The following CEP63 variants were observed in gnomAD, a reference collection of about 807,000 sequenced individuals.
CEP63 encodes the protein centrosomal protein 63, also known as centrosomal protein of 63 kDa.
In CEP63, 84 loss-of-function variants were observed where a neutral mutation model predicts 89.1. The observed-to-expected ratio is 0.94, with a 90% CI of 0.79 to 1.13. The LOEUF is 1.13. Ranked by LOEUF, CEP63 falls within the 50% of genes most tolerant of loss-of-function variation. The pLI is 0.00. For synonymous variants in CEP63, 267 were observed against 272.5 expected, an observed-to-expected ratio of 0.98 and a Z score of 0.20; for missense variants, 838 against 813.3, an observed-to-expected ratio of 1.03 and a Z score of -0.37.
the CEP63 span, among the ~76,000 whole-genome samples, chr3:134,698,479 C>T: frequency 1.3e-5 from 2 of 152,344 alleles, no homozygotes; most frequent in South Asian, 4.1e-4. Context: ...CCATCCTCCA[C>T]CTCCAGGGCC....
the CEP63 span, chr3:134,627,865 G>A: frequency 6.7e-7 from 1 of 1,483,122 alleles, no homozygotes; most frequent in African/African-American, 1.4e-5. Context: ...AGAAGAAACA[G>A]AAATGCAAGC....
At chr3:134,540,395 A>G (rs1201262535) in intron 6 of CEP63, among the ~76,000 whole-genome samples, 1 of 152,184 alleles carries the variant, frequency 6.6e-6, no homozygotes, top group Non-Finnish European at 1.5e-5. Flanking sequence ...ACATCCTTAT[A>G]TAAACATTTA....
downstream of CEP63, among the ~76,000 whole-genome samples, chr3:134,588,892 T>G (rs7645295): frequency 0.64 from 97,941 of 151,998 alleles, 32,113 homozygotes; most frequent in East Asian, 0.81. Context: ...AGCAAACAAG[T>G]GCAGATCTTA....
chr3:134,585,221 T>G (rs1481685787), intron 10 of CEP63, among the ~76,000 whole-genome samples: 1 of 152,088 alleles, frequency 6.6e-6, no homozygotes, highest in Non-Finnish European at 1.5e-5. Context: ...ATTTCTTGCC[T>G]TCTGCTAGCT....
the CEP63 span, among the ~76,000 whole-genome samples, chr3:134,599,846 A>G: frequency 1.3e-5 from 2 of 152,228 alleles, no homozygotes; most frequent in African/African-American, 4.8e-5. Context: ...TCCTTTGAAC[A>G]TGAAAGCATT....
chr3:134,743,652 G>T, the CEP63 span, among the ~76,000 whole-genome samples: 1 of 152,112 alleles, frequency 6.6e-6, no homozygotes. Flanking sequence ...GCAGCAGTTT[G>T]CAGCAGGATT....
chr3:134,559,960 G>A (rs1957048422), intron 14 of CEP63, among the ~76,000 whole-genome samples: 1 of 152,188 alleles, frequency 6.6e-6, no homozygotes, highest in South Asian at 2.1e-4. Flanking sequence ...CCATCTTTTT[G>A]CCTTCTGCAC....
At chr3:134,490,314 T>A (rs1437082415) in intron 1 of CEP63, among the ~76,000 whole-genome samples, 2 of 152,216 alleles carry the variant, frequency 1.3e-5, no homozygotes, top group East Asian at 3.8e-4. Flanking sequence ...TGAGTCTTGG[T>A]GCCTAGTGCC....
chr3:134,717,613 G>A, the CEP63 span, among the ~76,000 whole-genome samples: 3 of 152,144 alleles, frequency 2.0e-5, no homozygotes, highest in Non-Finnish European at 4.4e-5. Context: ...TGTACATTTA[G>A]GCCACAAGGC....
the CEP63 span, among the ~76,000 whole-genome samples, chr3:134,621,829 A>C: frequency 6.6e-6 from 1 of 152,334 alleles, no homozygotes; most frequent in Non-Finnish European, 1.5e-5. Flanking sequence ...AATAAGGGTT[A>C]AATATCCAGA....
chr3:134,497,496 C>T (rs187726466), intron 2 of CEP63, among the ~76,000 whole-genome samples: 3 of 151,988 alleles, frequency 2.0e-5, no homozygotes, highest in African/African-American at 7.2e-5. Flanking sequence ...TTCAGTGTCC[C>T]AAGTATCTGG....
chr3:134,762,975 G>A, the CEP63 span, among the ~76,000 whole-genome samples: 1 of 152,144 alleles, frequency 6.6e-6, no homozygotes, highest in African/African-American at 2.4e-5. Context: ...TCAACTTCTA[G>A]GGCCTGCGAT....
chr3:134,733,265 A>G, the CEP63 span, among the ~76,000 whole-genome samples: 2 of 152,140 alleles, frequency 1.3e-5, no homozygotes, highest in Non-Finnish European at 2.9e-5. Context: ...TGAACAATCC[A>G]TGCAGAATTG....
chr3:134,578,846 A>G (rs1025929370), downstream of CEP63, among the ~76,000 whole-genome samples: 2 of 152,162 alleles, frequency 1.3e-5, no homozygotes, highest in Non-Finnish European at 2.9e-5. Context: ...AAATTTTCTC[A>G]CATTCTGCAG....
At chr3:134,641,506 C>T in the CEP63 span, among the ~76,000 whole-genome samples, 2 of 152,098 alleles carry the variant, frequency 1.3e-5, no homozygotes, top group Non-Finnish European at 1.5e-5. Flanking sequence ...GGGCCTGCAG[C>T]CTCTAGCAGC....
At position 134,549,195 on chromosome 3, in the gene CEP63, A is replaced by C; in HGVS notation, c.1182+19A>C. 2.8e-6 allele frequency: 4 copies of C among 1,439,738 alleles called. No homozygotes were observed. Among genetic ancestry groups the C allele is most frequent in the Non-Finnish European group, 3.9e-6 (4 of 1,021,166 alleles). 89.2% of individuals were successfully genotyped at this position (1,439,738 alleles called of 1,614,324 possible). A position where few individuals can be genotyped will look rare whatever the true frequency, so the allele number is the denominator to read the frequency against. On this transcript the variant is annotated intron_variant, in intron 10 of 14. Coordinates refer to ENST00000675561, the MANE Select transcript of CEP63 (RefSeq NM_001353108.3). ...TAAGAAGGTAAAAATCTGCATACCT[A>C]GGATTGCAAAATTGTATGTGTTTAT...
chr3:134,746,738 C>A, the CEP63 span, among the ~76,000 whole-genome samples: 1 of 152,208 alleles, frequency 6.6e-6, no homozygotes, highest in African/African-American at 2.4e-5. Context: ...TGAGAAGTAT[C>A]TGTTCATATC....
the CEP63 span, chr3:134,610,390 G>A: frequency 1.2e-6 from 2 of 1,608,748 alleles, no homozygotes; most frequent in Non-Finnish European, 1.7e-6. Context: ...GAGCCTGGGG[G>A]CAGGACAGGG....
chr3:134,571,299 A>G (rs1366578141), intron 11 of CEP63, among the ~76,000 whole-genome samples: 1 of 152,168 alleles, frequency 6.6e-6, no homozygotes, highest in Non-Finnish European at 1.5e-5. Context: ...TTAGGTACTT[A>G]GAGGTTCTTT....
Sources: allele counts gnomAD v4.1 joint callset (sites outside exome capture counted in the v4.1 genomes callset), GRCh38; gene constraint gnomAD v4.1.1; transcripts MANE v1.5; gene names NCBI Gene and HGNC (gene_info 2026-07-23, HGNC 2026-07-21).